Variants in SDK1 observed in about 807,000 individuals in gnomAD.
The protein encoded by SDK1 is protein sidekick-1.
In SDK1, 157 loss-of-function variants were observed where a neutral mutation model predicts 245.5. That is an observed-to-expected ratio of 0.64 (90% confidence interval 0.56 to 0.73). The LOEUF is 0.73. Ranked by LOEUF, SDK1 falls within the 30% of genes least tolerant of loss-of-function variation. The pLI is 0.00. For missense variants in SDK1, 3,583 were observed against 3,002.3 expected, an observed-to-expected ratio of 1.19 and a Z score of -4.52; for synonymous variants, 1,647 against 1,278.5, an observed-to-expected ratio of 1.29 and a Z score of -6.15.
intron 5 of SDK1, among the ~76,000 whole-genome samples, chr7:3,880,303 A>G (rs1358618099): frequency 1.3e-5 from 2 of 152,226 alleles, no homozygotes; most frequent in African/African-American, 4.8e-5. Flanking sequence ...AGCCGTACCC[A>G]GCAGTGATTG....
intron 35 of SDK1, among the ~76,000 whole-genome samples, chr7:4,205,331 A>G (rs952049678): frequency 6.6e-6 from 1 of 152,130 alleles, no homozygotes; most frequent in African/African-American, 2.4e-5. Context: ...AATCTCAATC[A>G]GTAATATTAG....
intron 44 of SDK1, among the ~76,000 whole-genome samples, chr7:4,247,608 G>A (rs943914184): frequency 1.2e-4 from 18 of 152,370 alleles, no homozygotes; most frequent in African/African-American, 3.6e-4. Context: ...CCCTGCTGCC[G>A]CTGCCGGGCC....
At position 3,573,758 on chromosome 7, in the gene SDK1, A is replaced by G. The variant is rs374479879; in HGVS notation, c.299-45322A>G. Among the ~76,000 whole-genome samples, 25 of 152,154 alleles carry G rather than the reference A, an allele frequency of 1.6e-4. No homozygotes were observed. The South Asian group carries it at 2.3e-3, about 14-fold the overall frequency. On this transcript the variant is annotated intron_variant, in intron 1 of 44. Transcript: ENST00000404826. ...GCTGCGTGGTGGCTGATGTGGCCAC[A>G]TAACATTGTGATTTTTGACCCTTCC...
intron 1 of SDK1, among the ~76,000 whole-genome samples, chr7:3,512,545 A>G (rs573937507): frequency 1.3e-5 from 2 of 152,352 alleles, no homozygotes; most frequent in Non-Finnish European, 2.9e-5. Flanking sequence ...GGCTGTCCTC[A>G]GAAGTGACTG....
rs576253859 is a variant in SDK1 at position 3,678,105 on chromosome 7, C to G, written c.713+36000C>G. 4.6e-5 allele frequency among the ~76,000 whole-genome samples: 7 copies of G among 152,280 alleles called. No individual in the cohort carries two copies. In the East Asian group the frequency reaches 7.7e-4, roughly 17 times the overall value. On this transcript the variant is annotated intron_variant, in intron 4 of 44. Coordinates refer to ENST00000404826, the MANE Select transcript of SDK1 (RefSeq NM_152744.4). ...AGACACAACTTCACACCCCTTGTAA[C>G]AGCTAATATAAAAAGTAGAAAATTA... is the stretch of plus-strand genomic sequence containing the variant.
intron 1 of SDK1, among the ~76,000 whole-genome samples, chr7:3,508,605 G>C (rs910824182): frequency 6.6e-6 from 1 of 152,124 alleles, no homozygotes; most frequent in Non-Finnish European, 1.5e-5. Flanking sequence ...TGGGATTACA[G>C]GTGTGAGCCA....
In SDK1 at chr7:3,544,184, C is replaced by G. The variant is rs371353410; in HGVS notation, c.299-74896C>G. Among the ~76,000 whole-genome samples the G allele has an allele frequency of 1.4e-4, 21 of 152,308 alleles. No individual in the cohort carries two copies. The East Asian group carries it at 3.5e-3, about 25-fold the overall frequency. On this transcript the variant is annotated intron_variant, in intron 1 of 44. Transcript: ENST00000404826. ...ACATGCTTGACTGCATATGAATTTT[C>G]TAGTAGAGTTCTGTAAGAATTCTTC...
Position 3,734,804 on chromosome 7 carries a change from G to T in SDK1, c.714-86646G>T, listed in dbSNP as rs1779275060. Among the ~76,000 whole-genome samples the T allele has an allele frequency of 9.2e-5, 14 of 152,336 alleles. No homozygotes were observed. In the South Asian group the frequency reaches 2.9e-3, roughly 32 times the overall value. The stretch of plus-strand genomic sequence containing the variant: ...TTGAACAGCCTCTGTCTTATAAACA[G>T]ATTATAGTATTGTTAGGATTAGCCA... On this transcript the variant is annotated intron_variant, in intron 4 of 44. Coordinates refer to ENST00000404826, the MANE Select transcript of SDK1 (RefSeq NM_152744.4).
intron 1 of SDK1, among the ~76,000 whole-genome samples, chr7:3,377,791 T>C (rs1468469591): frequency 1.3e-5 from 2 of 152,130 alleles, no homozygotes; most frequent in Non-Finnish European, 2.9e-5. Context: ...TATATATTTA[T>C]TTTTGGAGAC....
At chr7:3,966,082 C>T (rs1428987305) in intron 9 of SDK1, among the ~76,000 whole-genome samples, 2 of 152,020 alleles carry the variant, frequency 1.3e-5, no homozygotes, top group African/African-American at 4.8e-5. Context: ...TTTCAAAGGG[C>T]AGCCCAAGGC....
intron 17 of SDK1, among the ~76,000 whole-genome samples, chr7:4,033,274 G>T (rs1030294170): frequency 2.6e-5 from 4 of 152,090 alleles, no homozygotes; most frequent in Admixed American, 1.3e-4. Context: ...ATACAAAACT[G>T]TATCCATTCC....
intron 4 of SDK1, among the ~76,000 whole-genome samples, chr7:3,794,989 A>C (rs1778928011): frequency 6.6e-6 from 1 of 152,154 alleles, no homozygotes; most frequent in Non-Finnish European, 1.5e-5. Context: ...ATTAAGGACG[A>C]ACTCTGTGCC....
intron 32 of SDK1, among the ~76,000 whole-genome samples, chr7:4,172,694 G>T (rs1781926324): frequency 6.6e-6 from 1 of 152,162 alleles, no homozygotes; most frequent in Non-Finnish European, 1.5e-5. Context: ...CAAGGTGTCG[G>T]CAGGGTCCTG....
chr7:3,468,142 A>G (rs1179539590), intron 1 of SDK1, among the ~76,000 whole-genome samples: 1 of 152,172 alleles, frequency 6.6e-6, no homozygotes, highest in Non-Finnish European at 1.5e-5. Flanking sequence ...AAGTTCAGAG[A>G]TATGTTTGAC....
Position 3,962,706 on chromosome 7 carries a change from C to T in SDK1, c.1284C>T (p.Ser428=), listed in dbSNP as rs1329080964. The T allele has an allele frequency of 6.2e-7, 1 of 1,613,804 alleles. No homozygotes were observed. The highest frequency in any genetic ancestry group is 1.1e-5 in the South Asian group (1 of 91,068). The change falls in exon 9 of 45, where the codon AGC becomes AGT. Residue 428 remains serine (S), a synonymous_variant. Coordinates refer to ENST00000404826, the MANE Select transcript of SDK1 (RefSeq NM_152744.4). ...GGTACAAGGATGCCATCTCCATCAG[C>T]AGGCTCCAGAATCCTCGATACAAAG... is the stretch of plus-strand genomic sequence containing the variant. ...LQWYKDAISI[S]RLQNPRYKVL... is the part of the protein sequence containing the mutation.
intron 1 of SDK1, among the ~76,000 whole-genome samples, chr7:3,385,131 G>A (rs533050420): frequency 1.3e-5 from 2 of 152,276 alleles, no homozygotes; most frequent in Admixed American, 6.5e-5. Context: ...CCTGGGTTCA[G>A]GTATGGATTC....
intron 2 of SDK1, among the ~76,000 whole-genome samples, chr7:3,621,971 A>G (rs1050413160): frequency 7.9e-5 from 12 of 152,190 alleles, no homozygotes; most frequent in Admixed American, 2.6e-4. Context: ...GAGATATTCA[A>G]CAGTTTATTA....
At chr7:3,457,290 T>A (rs913670331) in intron 1 of SDK1, among the ~76,000 whole-genome samples, 2 of 152,210 alleles carry the variant, frequency 1.3e-5, no homozygotes, top group African/African-American at 4.8e-5. Context: ...CATTACGTTG[T>A]CCCTTCAGTC....
intron 1 of SDK1, among the ~76,000 whole-genome samples, chr7:3,447,300 T>C (rs917926802): frequency 3.3e-5 from 5 of 152,304 alleles, no homozygotes; most frequent in East Asian, 1.9e-4. Flanking sequence ...GCGAAACTTA[T>C]CTTTACCCTA....
Sources: allele counts gnomAD v4.1 joint callset (sites outside exome capture counted in the v4.1 genomes callset), GRCh38; gene constraint gnomAD v4.1.1; transcripts MANE v1.5; gene names NCBI Gene and HGNC (gene_info 2026-07-23, HGNC 2026-07-21).